YTHDF1: variants seen among roughly 807,000 people sequenced by gnomAD.
The protein encoded by YTHDF1 is YTH domain-containing family protein 1.
Under a neutral mutation model 49.1 loss-of-function variants are expected in YTHDF1, and 16 were observed. The ratio of observed to expected loss-of-function variants is 0.33; its 90% CI spans 0.22 to 0.49. The LOEUF is 0.49. Among genes scored for constraint, YTHDF1 ranks in the 20% least tolerant of loss-of-function variants. The probability of loss-of-function intolerance (pLI) is 0.99; values close to 1 mark genes in which losing one functional copy is unlikely to be tolerated. For missense variants in YTHDF1, 621 were observed against 744.3 expected (o/e 0.83, Z 1.93); for synonymous variants, 313 against 290.1 (o/e 1.08, Z -0.80).
Position 63,196,892 on chromosome 20 carries a change from A to G in YTHDF1, c.1654-158T>C, listed in dbSNP as rs545296054. ...ACACCAGCACACAACTCTGAGCTGC[A>G]CTGGGGCCTGCTCTGTGGGGGACTG... On this transcript the variant is annotated intron_variant, in intron 4 of 4. Coordinates refer to ENST00000370339, the MANE Select transcript of YTHDF1 (RefSeq NM_017798.4). 2.0e-5 allele frequency among the ~76,000 whole-genome samples: 3 copies of G among 152,302 alleles called. No homozygotes were observed. In the East Asian group the frequency reaches 5.8e-4, roughly 29 times the overall value.
At chr20:63,211,311 A>C (rs75826864) in intron 3 of YTHDF1, among the ~76,000 whole-genome samples, 4,900 of 152,264 alleles carry the variant, frequency 0.032, 130 homozygotes, top group Non-Finnish European at 0.052. Flanking sequence ...CTAAAAATTT[A>C]AAAATTAGCT....
intron 3 of YTHDF1, among the ~76,000 whole-genome samples, chr20:63,207,525 A>G (rs2066553131): frequency 2.1e-5 from 3 of 146,090 alleles, no homozygotes; most frequent in Admixed American, 7.1e-5. Flanking sequence ...ACACATTACT[A>G]CCTCTGAGCA....
intron 2 of YTHDF1, 60 bp downstream of exon 2, chr20:63,215,517 C>G (rs1703716281): frequency 6.2e-7 from 1 of 1,610,484 alleles, no homozygotes; most frequent in Non-Finnish European, 8.5e-7. Context: ...CTTCCTGGAC[C>G]GTTCCTTCCC....
intron 3 of YTHDF1, among the ~76,000 whole-genome samples, chr20:63,211,860 G>C (rs1004872803): frequency 6.6e-6 from 1 of 152,024 alleles, no homozygotes; most frequent in Non-Finnish European, 1.5e-5. Flanking sequence ...AGGAGGCTGA[G>C]GCAGGAGGAT....
intron 3 of YTHDF1, among the ~76,000 whole-genome samples, chr20:63,212,985 G>C (rs1248387265): frequency 6.6e-6 from 1 of 152,236 alleles, no homozygotes; most frequent in Non-Finnish European, 1.5e-5. Flanking sequence ...GGGCCCTGCT[G>C]TATCAGGTAC....
chr20:63,195,705 C>CA lies in YTHDF1; in HGVS notation c.*1002dup, dbSNP rs1347173724. The CA allele has an allele frequency of 6.6e-6, 1 of 152,536 alleles. No homozygotes were observed. Among genetic ancestry groups the CA allele is most frequent in the Non-Finnish European group, 1.5e-5 (1 of 68,046 alleles). 9.4% of individuals were successfully genotyped at this position (152,536 alleles called of 1,614,324 possible). ...TGGGCACCATTTTCATGCTTCAACT[C>CA]AAACTCCAGGTGGTAGTGAGCTCAA... is the stretch of plus-strand genomic sequence containing the variant. On this transcript the variant is annotated 3_prime_UTR_variant, in exon 5 of 5. Transcript: ENST00000370339.
chr20:63,203,247 C>T lies in YTHDF1; in HGVS notation c.693G>A (p.Pro231=), dbSNP rs748461719. 10 of 1,613,932 alleles carry T rather than the reference C, an allele frequency of 6.2e-6. No homozygotes were observed. The highest frequency in any genetic ancestry group is 8.5e-6 in the Non-Finnish European group (10 of 1,180,040). The change falls in exon 4 of 5, where the codon CCG becomes CCA. Residue 231 remains proline, a synonymous_variant. Transcript: ENST00000370339. This position sits in a 1 kb window ranked among gnomAD's most constrained non-coding sequence, Gnocchi z 4.4. ...TGCTGGCAATGGCAGCCCACGAGGT[C>T]GGCTTTGAAACTGGCATGTTCACAT... The part of the protein sequence containing the change: ...GTNVNMPVSK[P]TSWAAIASKP...
At chr20:63,211,797 CCAAT>C (rs757181247) in intron 3 of YTHDF1, among the ~76,000 whole-genome samples, 29 of 152,198 alleles carry the variant, frequency 1.9e-4, no homozygotes, top group Non-Finnish European at 3.7e-4. Context: ...CTACAACCAA[CCAAT>C]CAATCAATCA....
At position 63,196,597 on chromosome 20, in the gene YTHDF1, G is replaced by T; in HGVS notation, c.*111C>A. 7.8e-7 allele frequency: 1 copy of T among 1,274,182 alleles called. No homozygotes were observed. Among genetic ancestry groups the T allele is most frequent in the Non-Finnish European group, 1.1e-6 (1 of 905,582 alleles). 78.9% of individuals were successfully genotyped at this position (1,274,182 alleles called of 1,614,324 possible). A position where few individuals can be genotyped will look rare whatever the true frequency, so the allele number is the denominator to read the frequency against. The stretch of plus-strand genomic sequence containing the variant: ...AAAAATCAACGACAAGAAAGGCAAA[G>T]ATGCAACACTCAACCCCCGCACGGG... On this transcript the variant is annotated 3_prime_UTR_variant, in exon 5 of 5. Transcript: ENST00000370339.
chr20:63,215,984 G>C lies in YTHDF1; in HGVS notation c.-92C>G. On this transcript the variant is annotated 5_prime_UTR_variant, in exon 1 of 5. Coordinates refer to ENST00000370339, the MANE Select transcript of YTHDF1 (RefSeq NM_017798.4). ...CTGTCACCCTAGCTCGCGCGGCCCC[G>C]GGCCCCGCCGCCAATTCCCCGGGCG... is the stretch of plus-strand genomic sequence containing the variant. The C allele has an allele frequency of 1.8e-6, 2 of 1,129,294 alleles. No individual in the cohort carries two copies. The highest frequency in any genetic ancestry group is 2.2e-6 in the Non-Finnish European group (2 of 918,934). The allele number at this position is 1,129,294 out of a possible 1,614,324, so 70.0% of individuals were successfully genotyped here.
chr20:63,206,641 T>C (rs2066547658), intron 3 of YTHDF1, among the ~76,000 whole-genome samples: 1 of 152,228 alleles, frequency 6.6e-6, no homozygotes. Context: ...ATACTTTCTG[T>C]GCTCACCGGG....
intron 3 of YTHDF1, among the ~76,000 whole-genome samples, chr20:63,212,887 A>G (rs145677138): frequency 6.6e-6 from 1 of 152,332 alleles, no homozygotes; most frequent in Non-Finnish European, 1.5e-5. Context: ...ACAGCCCCCA[A>G]AACAGAATGT....
intron 3 of YTHDF1, 58 bp downstream of exon 3, chr20:63,213,806 G>A (rs764182427): frequency 4.1e-5 from 59 of 1,442,458 alleles, no homozygotes; most frequent in South Asian, 7.3e-5. Flanking sequence ...TGACAGTAAA[G>A]GTACAAAACA....
intron 3 of YTHDF1, among the ~76,000 whole-genome samples, chr20:63,213,172 CT>C (rs1220791248): frequency 6.6e-6 from 1 of 152,248 alleles, no homozygotes; most frequent in Non-Finnish European, 1.5e-5. Context: ...TGCCTCACGC[CT>C]ATAATCCCAG....
chr20:63,206,702 C>A (rs2066548129), intron 3 of YTHDF1, among the ~76,000 whole-genome samples: 1 of 152,212 alleles, frequency 6.6e-6, no homozygotes, highest in South Asian at 2.1e-4. Context: ...GTTCTGTGGG[C>A]CGGATTTCCA....
chr20:63,212,072 T>G (rs955414642), intron 3 of YTHDF1, among the ~76,000 whole-genome samples: 10 of 151,760 alleles, frequency 6.6e-5, no homozygotes, highest in Non-Finnish European at 1.3e-4. Context: ...CATAATACCA[T>G]TAAAGTACTA....
At chr20:63,198,299 G>A (rs1448327882) in intron 4 of YTHDF1, among the ~76,000 whole-genome samples, 1 of 151,736 alleles carries the variant, frequency 6.6e-6, no homozygotes, top group Non-Finnish European at 1.5e-5. Context: ...AAAAAATTTG[G>A]CAGGGCATGG....
In YTHDF1 at chr20:63,202,466, T is replaced by G. The variant is rs1384407057; in HGVS notation, c.1474A>C (p.Ile492Leu). The G allele has an allele frequency of 6.2e-7, 1 of 1,614,298 alleles. No individual in the cohort carries two copies. The highest frequency in any genetic ancestry group is 1.7e-5 in the Admixed American group (1 of 60,034). Residue 492 changes from isoleucine (I) to leucine (L), a missense_variant, in exon 4 of 5, where the codon ATC (isoleucine) becomes CTC (leucine). By Grantham distance (5) the Ile-to-Leu change is conservative. Around this residue, in one of 2 missense-constraint regions of YTHDF1, gnomAD observed 151 missense variants for 248.5 expected, o/e 0.61. Transcript: ENST00000370339. Reference protein sequence around the residue: ...KDVPNNQLRHIRLENNDNKPV... With the variant: ...KDVPNNQLRHLRLENNDNKPV... Reference sequence around the variant, plus strand: ...TTGTTGTCGTTATTCTCCAGCCTGATGTGCCGGAGCTGGTTATTGGGTACA... The same window carrying G: ...TTGTTGTCGTTATTCTCCAGCCTGAGGTGCCGGAGCTGGTTATTGGGTACA...
In YTHDF1 at chr20:63,196,710, ATTGT is replaced by A. The variant is rs771985242; in HGVS notation, c.1674_1677del (p.Lys558AsnfsTer11). On this transcript the variant is annotated frameshift_variant, in exon 5 of 5. Transcript: ENST00000370339. LOFTEE classifies it high-confidence loss of function. The stretch of plus-strand genomic sequence containing the variant: ...ACATGTAAGAAACTGGTTCGCCCTC[ATTGT>A]TTGTTTCGACTCTGCCGTTCCTGTA... 87 of 1,613,976 alleles carry A rather than the reference ATTGT, an allele frequency of 5.4e-5. No homozygotes were observed. Among genetic ancestry groups the A allele is most frequent in the Non-Finnish European group, 7.3e-5 (86 of 1,179,978 alleles).
Sources: allele counts gnomAD v4.1 joint callset (sites outside exome capture counted in the v4.1 genomes callset), GRCh38; gene constraint gnomAD v4.1.1; regional missense constraint gnomAD v4.1.1; non-coding constraint Gnocchi (gnomAD v3.1); transcripts MANE v1.5; gene names NCBI Gene and HGNC (gene_info 2026-07-23, HGNC 2026-07-21).